PIK3CD: variants seen among roughly 807,000 people sequenced by gnomAD.
PIK3CD encodes phosphatidylinositol-4,5-bisphosphate 3-kinase catalytic subunit delta, also known as phosphatidylinositol 4,5-bisphosphate 3-kinase catalytic subunit delta isoform.
A neutral mutation model predicts 122.9 loss-of-function variants in PIK3CD; 20 were observed. The observed-to-expected ratio is 0.16, with a 90% CI of 0.11 to 0.24. The LOEUF (loss-of-function observed/expected upper bound fraction) is 0.24. PIK3CD is among the 10% of genes least tolerant of loss of function. PIK3CD has a pLI of 1.00. For synonymous variants in PIK3CD, 596 were observed against 593.4 expected (o/e 1.00, Z -0.06); for missense variants, 787 against 1,406.3 (o/e 0.56, Z 7.04).
Position 9,718,885 on chromosome 1 carries a change from T to C in PIK3CD, c.1212T>C (p.Ala404=), listed in dbSNP as rs375505004. The change falls in exon 9 of 24, where the codon GCT becomes GCC. Residue 404 remains alanine, a synonymous_variant. Transcript: ENST00000377346. The surrounding 1 kb of genome is among the most constrained non-coding windows in gnomAD (Gnocchi z 7.2). ...LYAVIEKAKK[A]RSTKKKSKKA... ...CCGTGATCGAGAAAGCCAAGAAGGCTCGCTCCACCAAGAAGAAGTCCAAGA... is the reference window on the plus strand; with the variant it reads ...CCGTGATCGAGAAAGCCAAGAAGGCCCGCTCCACCAAGAAGAAGTCCAAGA... The C allele has an allele frequency of 1.1e-4, 173 of 1,612,666 alleles. No individual in the cohort carries two copies. Among genetic ancestry groups the C allele is most frequent in the Middle Eastern group, 4.9e-4 (3 of 6,084 alleles).
Position 9,723,194 on chromosome 1 carries a change from C to T in PIK3CD, c.2496C>T (p.Asp832=). ...TGLIEVVLRS[D]TIANIQLNKS... ...TCATTGAGGTGGTACTCCGTTCAGA[C>T]ACCATCGCCAACATCCAACTCAACA... The change falls in exon 20 of 24, where the codon GAC becomes GAT. Residue 832 remains aspartate (D), a synonymous_variant. Transcript: ENST00000377346. This position sits in a 1 kb window ranked among gnomAD's most constrained non-coding sequence, Gnocchi z 4.9. 1 of 1,613,888 alleles carries T rather than the reference C, an allele frequency of 6.2e-7. No homozygotes were observed. The highest frequency in any genetic ancestry group is 8.5e-7 in the Non-Finnish European group (1 of 1,180,028).
At chr1:9,683,250 C>A (rs113324309) in intron 1 of PIK3CD, among the ~76,000 whole-genome samples, 7,907 of 151,372 alleles carry the variant, frequency 0.052, 643 homozygotes, top group African/African-American at 0.18. Context: ...CATCCTGGCT[C>A]ACACGGTGAA....
At chr1:9,646,931 G>A (rs1644614523), upstream of PIK3CD, among the ~76,000 whole-genome samples, 1 of 148,858 alleles carries the variant, frequency 6.7e-6, no homozygotes, top group Non-Finnish European at 1.5e-5. Context: ...CCCCAGCCTG[G>A]GAGACTCCAT....
rs753866841 is a variant in PIK3CD at position 9,720,952 on chromosome 1, C to T, written c.1689+43C>T. On this transcript the variant is annotated intron_variant, in intron 13 of 23. Transcript: ENST00000377346. The surrounding 1 kb of genome is among the most constrained non-coding windows in gnomAD (Gnocchi z 9.0). The stretch of plus-strand genomic sequence containing the variant: ...CCTGGGGGCGGAGCTGGGGGCAGAC[C>T]ACAGCCTCTGGCTACCCACCACCCT... 5.2e-6 allele frequency: 8 copies of T among 1,542,038 alleles called. No homozygotes were observed. Among genetic ancestry groups the T allele is most frequent in the South Asian group, 3.5e-5 (3 of 84,756 alleles).
chr1:9,685,294 G>GT (rs1021341007), intron 1 of PIK3CD, among the ~76,000 whole-genome samples: 1 of 151,856 alleles, frequency 6.6e-6, no homozygotes, highest in South Asian at 2.1e-4. Flanking sequence ...CATGTAACTG[G>GT]TTTTTTTGTT....
Position 9,720,095 on chromosome 1 carries a change from T to C in PIK3CD, c.1340-17T>C. 1 of 1,613,348 alleles carries C rather than the reference T, an allele frequency of 6.2e-7. No homozygotes were observed. Among genetic ancestry groups the C allele is most frequent in the Non-Finnish European group, 8.5e-7 (1 of 1,180,004 alleles). ...TGCTGGTCACCCCTCTACAACTTCA[T>C]CTGCCCCTGTGTTCAGATGAGAAGG... On this transcript the variant is annotated splice_polypyrimidine_tract_variant and intron_variant, in intron 10 of 23. Transcript: ENST00000377346. This position sits in a 1 kb window ranked among gnomAD's most constrained non-coding sequence, Gnocchi z 9.0.
At position 9,717,392 on chromosome 1, in the gene PIK3CD, A is replaced by G; in HGVS notation, c.931-145A>G. Reference sequence around the variant, plus strand: ...GCCCGCATGGCAGGTTTTCTGGGAAAGGATAGCATTGTGGACAGGCCCAAA... The same window carrying G: ...GCCCGCATGGCAGGTTTTCTGGGAAGGGATAGCATTGTGGACAGGCCCAAA... On this transcript the variant is annotated intron_variant, in intron 7 of 23. Transcript: ENST00000377346. This position sits in a 1 kb window ranked among gnomAD's most constrained non-coding sequence, Gnocchi z 5.4. 1 of 776,754 alleles carries G rather than the reference A, an allele frequency of 1.3e-6. No homozygotes were observed. The highest frequency in any genetic ancestry group is 2.1e-6 in the Non-Finnish European group (1 of 467,498). The allele number at this position is 776,754 out of a possible 1,614,324, so 48.1% of individuals were successfully genotyped here.
At chr1:9,661,718 C>T (rs949637289) in intron 1 of PIK3CD, among the ~76,000 whole-genome samples, 4 of 152,168 alleles carry the variant, frequency 2.6e-5, no homozygotes, top group Admixed American at 2.0e-4. Context: ...AAAAATTGGC[C>T]GGGCGCGGTG....
intron 1 of PIK3CD, among the ~76,000 whole-genome samples, chr1:9,659,835 C>T (rs1343000529): frequency 1.3e-5 from 2 of 152,256 alleles, no homozygotes; most frequent in South Asian, 2.1e-4. Context: ...ACTGCAACCT[C>T]CACCTCCCTG....
Position 9,720,910 on chromosome 1 carries a change from G to GCCCA in PIK3CD, c.1689+1_1689+2insCCCA. On this transcript the variant is annotated splice_donor_variant, in intron 13 of 23. Transcript: ENST00000377346. LOFTEE classifies it high-confidence loss of function. The surrounding 1 kb of genome is among the most constrained non-coding windows in gnomAD (Gnocchi z 9.0). ...GAACAAGCATGAGGATGTGGCCCAGGTGGGTGGGGAGGCGCACCTGGGGGC... is the reference window on the plus strand; with the variant it reads ...GAACAAGCATGAGGATGTGGCCCAGGCCCATGGGTGGGGAGGCGCACCTGGGGGC... The GCCCA allele has an allele frequency of 6.3e-7, 1 of 1,586,822 alleles. No homozygotes were observed. The highest frequency in any genetic ancestry group is 2.3e-5 in the East Asian group (1 of 43,474).
rs1391979779 is a variant in PIK3CD, at chr1:9,704,898, A to G, written c.-32-5526A>G. Reference sequence around the variant, plus strand: ...ACCCAAAGTAGGATGTGGTTTTGCAATTGGAGGAAGTGGCGACCAGCAGTG... The same window carrying G: ...ACCCAAAGTAGGATGTGGTTTTGCAGTTGGAGGAAGTGGCGACCAGCAGTG... On this transcript the variant is annotated intron_variant, in intron 2 of 23. Coordinates refer to ENST00000377346, the MANE Select transcript of PIK3CD (RefSeq NM_005026.5). The surrounding 1 kb of genome is among the most constrained non-coding windows in gnomAD (Gnocchi z 5.0). Among the ~76,000 whole-genome samples, 2 of 152,182 alleles carry G rather than the reference A, an allele frequency of 1.3e-5. No homozygotes were observed. The highest frequency in any genetic ancestry group is 2.9e-5 in the Non-Finnish European group (2 of 68,032).
At chr1:9,643,617 AT>A in the PIK3CD span, among the ~76,000 whole-genome samples, 1 of 152,078 alleles carries the variant, frequency 6.6e-6, no homozygotes, top group Non-Finnish European at 1.5e-5. Flanking sequence ...AAAAACTCAC[AT>A]TTTCTGAGGG....
rs566870087 is a variant in PIK3CD, at chr1:9,659,455, T to C, written c.-138+7653T>C. Among the ~76,000 whole-genome samples, 303 of 152,334 alleles carry C rather than the reference T, an allele frequency of 2.0e-3. 2 individuals are homozygous for C. The highest frequency in any genetic ancestry group is 4.4e-3 in the Admixed American group (68 of 15,294). On this transcript the variant is annotated intron_variant, in intron 1 of 23. Coordinates refer to ENST00000377346, the MANE Select transcript of PIK3CD (RefSeq NM_005026.5). ...GAGCGCAGTTCTGTGGGATTTACAC[T>C]ATTGTGCAACCGTCACCACCGCCCA...
At chr1:9,680,873 T>C (rs1484789793) in intron 1 of PIK3CD, 1 of 152,164 alleles carries the variant, frequency 6.6e-6, no homozygotes, top group Non-Finnish European at 1.5e-5. Context: ...TATGATCCCG[T>C]AGTTTCTGTC....
chr1:9,706,391 G>A (rs1028532019), intron 2 of PIK3CD, among the ~76,000 whole-genome samples: 4 of 151,998 alleles, frequency 2.6e-5, no homozygotes, highest in Non-Finnish European at 5.9e-5. Context: ...CACTCAGGAG[G>A]CTGAGGCTGG....
the PIK3CD span, among the ~76,000 whole-genome samples, chr1:9,630,018 C>G: frequency 1.3e-5 from 2 of 152,254 alleles, no homozygotes; most frequent in Non-Finnish European, 2.9e-5. Context: ...GTGTGCTTTG[C>G]ACTCTGCACT....
intron 1 of PIK3CD, among the ~76,000 whole-genome samples, chr1:9,654,928 G>A (rs1459423605): frequency 1.3e-5 from 2 of 152,056 alleles, no homozygotes; most frequent in African/African-American, 2.4e-5. Context: ...TTAGCTGGGC[G>A]TGGTGATGAG....
Position 9,695,605 on chromosome 1 carries a change from AG to A in PIK3CD, c.-33+4036del, listed in dbSNP as rs570149878. On this transcript the variant is annotated intron_variant, in intron 2 of 23. Transcript: ENST00000377346. ...ACACCTGTAATCCCGGCACTTTGGG[AG>A]GCCGAGGCGGGCAGATCACTAGGTC... Among the ~76,000 whole-genome samples, 93 of 152,298 alleles carry A rather than the reference AG, an allele frequency of 6.1e-4. 1 individual carries two copies. The East Asian group carries it at 0.016, about 26-fold the overall frequency.
the PIK3CD span, among the ~76,000 whole-genome samples, chr1:9,629,453 GC>G: frequency 6.4e-5 from 8 of 125,950 alleles, no homozygotes; most frequent in Non-Finnish European, 1.2e-4. Context: ...AGCACTCCCT[GC>G]CCCCCCACCC....
Sources: gnomAD v4.1 joint callset for allele counts (sites outside exome capture counted in the v4.1 genomes callset) on GRCh38, gnomAD v4.1.1 for gene constraint, Gnocchi (gnomAD v3.1) non-coding constraint, MANE v1.5 for transcripts, NCBI Gene and HGNC (gene_info 2026-07-23, HGNC 2026-07-21) for gene names.